ZNF804B: variants seen among roughly 807,000 people sequenced by gnomAD.
The protein encoded by ZNF804B is zinc finger 804B.
In ZNF804B, 80 loss-of-function variants were observed where a neutral mutation model predicts 101.4. The ratio of observed to expected loss-of-function variants is 0.79; its 90% CI spans 0.66 to 0.95. The LOEUF (loss-of-function observed/expected upper bound fraction) is 0.95. Ranked by LOEUF, ZNF804B falls within the 40% of genes least tolerant of loss-of-function variation. ZNF804B has a pLI of 0.00. For missense variants in ZNF804B, 1,673 were observed against 1,561.9 expected (o/e 1.07, Z -1.20); for synonymous variants, 622 against 558.8 (o/e 1.11, Z -1.59).
chr7:88,985,211 A>G (rs1187727351), intron 1 of ZNF804B, among the ~76,000 whole-genome samples: 1 of 151,650 alleles, frequency 6.6e-6, no homozygotes, highest in Non-Finnish European at 1.5e-5. Flanking sequence ...GGATTTTTAA[A>G]TTAACATGAG....
intron 1 of ZNF804B, among the ~76,000 whole-genome samples, chr7:88,907,094 A>C (rs1038001510): frequency 6.6e-6 from 1 of 151,970 alleles, no homozygotes; most frequent in Non-Finnish European, 1.5e-5. Context: ...ATAGATATTT[A>C]ACTTCATGTC....
intron 1 of ZNF804B, among the ~76,000 whole-genome samples, chr7:89,002,574 T>A (rs898599847): frequency 1.2e-4 from 18 of 151,918 alleles, no homozygotes; most frequent in African/African-American, 3.6e-4. Flanking sequence ...AAAGGTGGCA[T>A]TCTTTTTTAT....
At chr7:88,857,312 A>G (rs543259019) in intron 1 of ZNF804B, among the ~76,000 whole-genome samples, 3 of 152,318 alleles carry the variant, frequency 2.0e-5, no homozygotes, top group South Asian at 2.1e-4. Context: ...CAAAAAATCA[A>G]TGAATCCAGG....
At chr7:88,930,537 G>C (rs1792866794) in intron 1 of ZNF804B, among the ~76,000 whole-genome samples, 1 of 151,828 alleles carries the variant, frequency 6.6e-6, no homozygotes, top group Non-Finnish European at 1.5e-5. Context: ...TTTAAAAACT[G>C]CTTCAAATTA....
intron 1 of ZNF804B, among the ~76,000 whole-genome samples, chr7:89,019,953 T>G (rs1562862038): frequency 6.7e-6 from 1 of 149,882 alleles, no homozygotes; most frequent in Admixed American, 6.7e-5. Context: ...CCCAAGGATA[T>G]TATTAATATG....
intron 1 of ZNF804B, among the ~76,000 whole-genome samples, chr7:88,801,200 C>G (rs1430806269): frequency 6.6e-6 from 1 of 151,588 alleles, no homozygotes; most frequent in Admixed American, 6.6e-5. Flanking sequence ...AGGAATTCCA[C>G]CAGGAATGGA....
At chr7:89,230,063 T>C (rs1789165865) in intron 2 of ZNF804B, among the ~76,000 whole-genome samples, 1 of 152,082 alleles carries the variant, frequency 6.6e-6, no homozygotes, top group South Asian at 2.1e-4. Context: ...TAGTGTTGAA[T>C]GTTATATTGA....
chr7:88,884,859 T>C (rs1288898218), intron 1 of ZNF804B, among the ~76,000 whole-genome samples: 2 of 151,928 alleles, frequency 1.3e-5, no homozygotes, highest in African/African-American at 4.8e-5. Flanking sequence ...TATGTTGTCT[T>C]TGAGTGGAAG....
chr7:88,788,654 AG>A (rs1481658526), intron 1 of ZNF804B, among the ~76,000 whole-genome samples: 2 of 152,094 alleles, frequency 1.3e-5, no homozygotes, highest in Non-Finnish European at 2.9e-5. Context: ...TTGTATCTTC[AG>A]GGTGTAGGCA....
At chr7:89,293,580 C>G (rs1306956541) in intron 2 of ZNF804B, among the ~76,000 whole-genome samples, 5 of 151,924 alleles carry the variant, frequency 3.3e-5, no homozygotes, top group Non-Finnish European at 5.9e-5. Context: ...GTCAGGAGAT[C>G]GAGACCATCC....
intron 1 of ZNF804B, among the ~76,000 whole-genome samples, chr7:88,761,383 C>T (rs76849025): frequency 0.023 from 3,441 of 152,250 alleles, 122 homozygotes; most frequent in African/African-American, 0.079. Context: ...CAATTAAACT[C>T]ACAGGGTTAG....
chr7:89,139,006 T>C (rs1039288560), intron 1 of ZNF804B, among the ~76,000 whole-genome samples: 1 of 152,094 alleles, frequency 6.6e-6, no homozygotes, highest in Non-Finnish European at 1.5e-5. Flanking sequence ...TGTGTCTATA[T>C]GTGTGCACGT....
At chr7:88,774,202 GTTTTTT>G (rs11349793) in intron 1 of ZNF804B, among the ~76,000 whole-genome samples, 3 of 134,394 alleles carry the variant, frequency 2.2e-5, no homozygotes, top group East Asian at 2.1e-4. Context: ...TGTTTTTTAA[GTTTTTT>G]TTTTTTTTTT....
At chr7:88,898,922 G>A (rs1271077711) in intron 1 of ZNF804B, among the ~76,000 whole-genome samples, 1 of 152,164 alleles carries the variant, frequency 6.6e-6, no homozygotes, top group Non-Finnish European at 1.5e-5. Context: ...AAAAGACAGA[G>A]CGGTGGGTCC....
At chr7:89,164,059 C>T (rs935200525) in intron 1 of ZNF804B, among the ~76,000 whole-genome samples, 2 of 151,832 alleles carry the variant, frequency 1.3e-5, no homozygotes, top group African/African-American at 2.4e-5. Flanking sequence ...AATAATGCTT[C>T]TTCAAGCATT....
chr7:89,027,710 G>C (rs778072437), intron 1 of ZNF804B, among the ~76,000 whole-genome samples: 31 of 152,154 alleles, frequency 2.0e-4, no homozygotes, highest in Admixed American at 1.3e-4. Context: ...AGAAGGTCAT[G>C]AAAGCTCTTC....
chr7:89,203,732 T>C lies in ZNF804B; in HGVS notation c.109-14423T>C, dbSNP rs115111960. Among the ~76,000 whole-genome samples the C allele has an allele frequency of 3.2e-3, 487 of 152,268 alleles. 4 individuals carry two copies. Among genetic ancestry groups the C allele is most frequent in the African/African-American group, 0.011 (454 of 41,558 alleles). ...ACAAGTAAACCAAGCAGCAGACTTA[T>C]TATTAGACATAATAGCAGACGTTCA... is the stretch of plus-strand genomic sequence containing the variant. On this transcript the variant is annotated intron_variant, in intron 1 of 3. Transcript: ENST00000333190.
At chr7:89,308,485 A>C (rs957761067) in intron 2 of ZNF804B, among the ~76,000 whole-genome samples, 1 of 152,180 alleles carries the variant, frequency 6.6e-6, no homozygotes, top group African/African-American at 2.4e-5. Context: ...CCCTATATGC[A>C]CTGGTATTTT....
At chr7:89,195,881 A>C (rs1788540896) in intron 1 of ZNF804B, among the ~76,000 whole-genome samples, 1 of 68,638 alleles carries the variant, frequency 1.5e-5, no homozygotes, top group Non-Finnish European at 3.0e-5. Context: ...AGAACTATAA[A>C]CCACTGCTCA....
Sources: gnomAD v4.1 joint callset for allele counts (sites outside exome capture counted in the v4.1 genomes callset) on GRCh38, gnomAD v4.1.1 for gene constraint, MANE v1.5 for transcripts, NCBI Gene and HGNC (gene_info 2026-07-23, HGNC 2026-07-21) for gene names.